Variants in ZSCAN25 observed in about 807,000 individuals in gnomAD.
The protein encoded by ZSCAN25 is zinc finger and SCAN domain-containing protein 25.
ZSCAN25 carries 27 observed loss-of-function variants against 38.7 expected under a neutral mutation model. That is an observed-to-expected ratio of 0.70 (90% CI 0.51 to 0.96). The LOEUF is 0.96. ZSCAN25 is among the 40% of genes least tolerant of loss of function. The pLI, the probability that ZSCAN25 is intolerant of heterozygous loss-of-function variation, is 0.00. For missense variants in ZSCAN25, 637 were observed against 705.9 expected (o/e 0.90, Z 1.11); for synonymous variants, 273 against 277.7 (o/e 0.98, Z 0.17).
At chr7:99,717,136 C>T in the ZSCAN25 span, 6 of 1,611,962 alleles carry the variant, frequency 3.7e-6, no homozygotes, top group Admixed American at 1.7e-5. Context: ...GCTGGAGGGG[C>T]TCATGACAGC....
At chr7:99,732,180 C>G in the ZSCAN25 span, among the ~76,000 whole-genome samples, 2 of 152,150 alleles carry the variant, frequency 1.3e-5, no homozygotes, top group Non-Finnish European at 2.9e-5. Flanking sequence ...TTTATGAGAT[C>G]TGGTGGTTTA....
chr7:99,704,611 A>G, the ZSCAN25 span, among the ~76,000 whole-genome samples: 1 of 151,978 alleles, frequency 6.6e-6, no homozygotes, highest in Non-Finnish European at 1.5e-5. Flanking sequence ...TAATTAAACT[A>G]TGAATATTCT....
chr7:99,713,681 A>G, the ZSCAN25 span: 1 of 1,072,272 alleles, frequency 9.3e-7, no homozygotes, highest in Non-Finnish European at 1.4e-6. Context: ...TCACCAGTGA[A>G]AAGGAATATC....
At chr7:99,635,433 C>T (rs1808234349), downstream of ZSCAN25, among the ~76,000 whole-genome samples, 1 of 152,064 alleles carries the variant, frequency 6.6e-6, no homozygotes, top group Non-Finnish European at 1.5e-5. Flanking sequence ...CTATAATTAC[C>T]TGCTCCAGTC....
chr7:99,676,022 A>G, the ZSCAN25 span: 3 of 1,077,486 alleles, frequency 2.8e-6, no homozygotes, highest in Non-Finnish European at 4.2e-6. Context: ...GTGAAACCTC[A>G]GAACTCCCTC....
the ZSCAN25 span, chr7:99,674,513 G>T: frequency 1.2e-6 from 2 of 1,608,818 alleles, no homozygotes; most frequent in Admixed American, 1.7e-5. Context: ...CTATCCAATG[G>T]AGGTTTTCAG....
chr7:99,675,193 G>A, the ZSCAN25 span, among the ~76,000 whole-genome samples: 1 of 152,156 alleles, frequency 6.6e-6, no homozygotes, highest in Non-Finnish European at 1.5e-5. Flanking sequence ...ATGGAGAAAT[G>A]CCACCTCTAC....
At chr7:99,648,702 G>C in the ZSCAN25 span, among the ~76,000 whole-genome samples, 2 of 151,444 alleles carry the variant, frequency 1.3e-5, no homozygotes, top group African/African-American at 4.9e-5. Flanking sequence ...TTAAAAGGAT[G>C]AGTTTTAAAA....
chr7:99,721,122 A>G, the ZSCAN25 span, among the ~76,000 whole-genome samples: 1 of 152,222 alleles, frequency 6.6e-6, no homozygotes, highest in Non-Finnish European at 1.5e-5. Flanking sequence ...GGCTGAGGCC[A>G]CCTTATAAAA....
the ZSCAN25 span, chr7:99,672,489 A>G: frequency 8.9e-7 from 1 of 1,129,192 alleles, no homozygotes; most frequent in Non-Finnish European, 1.3e-6. Flanking sequence ...TACATTTTTT[A>G]GGTAACCTTC....
chr7:99,665,235 C>G, the ZSCAN25 span: 14 of 1,613,894 alleles, frequency 8.7e-6, no homozygotes, highest in Admixed American at 1.7e-5. Flanking sequence ...ACAAAGGGGT[C>G]TTGTGGATTG....
At chr7:99,642,061 G>T in the ZSCAN25 span, among the ~76,000 whole-genome samples, 17 of 152,184 alleles carry the variant, frequency 1.1e-4, no homozygotes, top group Non-Finnish European at 1.9e-4. Flanking sequence ...TTCAGCTCCT[G>T]TTGTTCTCCT....
chr7:99,684,936 G>T, the ZSCAN25 span: 4 of 415,022 alleles, frequency 9.6e-6, no homozygotes, highest in South Asian at 1.3e-4. Context: ...CACTGATTTG[G>T]TCACTTCCTT....
At chr7:99,644,883 G>A in the ZSCAN25 span, among the ~76,000 whole-genome samples, 28 of 152,186 alleles carry the variant, frequency 1.8e-4, no homozygotes, top group Non-Finnish European at 3.1e-4. Flanking sequence ...AGGGTCAGAC[G>A]TGAGACCTTC....
At chr7:99,715,544 C>T in the ZSCAN25 span, 2 of 775,322 alleles carry the variant, frequency 2.6e-6, no homozygotes, top group African/African-American at 1.8e-5. Flanking sequence ...AACAGGATTT[C>T]TGGCAGGGGG....
At chr7:99,625,941 ACT>A (rs1807428788) in intron 7 of ZSCAN25, among the ~76,000 whole-genome samples, 1 of 152,016 alleles carries the variant, frequency 6.6e-6, no homozygotes, top group Non-Finnish European at 1.5e-5. Context: ...TGGGATTCAC[ACT>A]CGGGTTGTCC....
the ZSCAN25 span, among the ~76,000 whole-genome samples, chr7:99,689,036 A>G: frequency 5.2e-4 from 79 of 152,368 alleles, no homozygotes; most frequent in Non-Finnish European, 9.6e-4. Context: ...AGGGAAATTT[A>G]TAGCACTAAA....
chr7:99,707,810 A>T, the ZSCAN25 span: 1 of 1,613,818 alleles, frequency 6.2e-7, no homozygotes, highest in South Asian at 1.1e-5. Flanking sequence ...AAATTGACTG[A>T]CCTGTGTTTC....
the ZSCAN25 span, chr7:99,676,059 A>C: frequency 6.7e-7 from 1 of 1,484,912 alleles, no homozygotes; most frequent in Non-Finnish European, 9.4e-7. Context: ...TTACTGATGG[A>C]ACTAAGCTGA....
Sources: gnomAD v4.1 joint callset for allele counts (sites outside exome capture counted in the v4.1 genomes callset) on GRCh38, gnomAD v4.1.1 for gene constraint, MANE v1.5 for transcripts, NCBI Gene and HGNC (gene_info 2026-07-23, HGNC 2026-07-21) for gene names.